AP1G1: variants seen among roughly 807,000 people sequenced by gnomAD.
AP1G1 encodes adaptor related protein complex 1 subunit gamma 1.
Under a neutral mutation model 108.3 loss-of-function variants are expected in AP1G1, and 7 were observed. That is an observed-to-expected ratio of 0.06 (90% CI 0.04 to 0.12). The LOEUF is 0.12. AP1G1 is among the 10% of genes least tolerant of loss of function. AP1G1 has a pLI of 1.00. For synonymous variants in AP1G1, 379 were observed against 353.5 expected, an observed-to-expected ratio of 1.07 and a Z score of -0.81; for missense variants, 756 against 1,010.7, an observed-to-expected ratio of 0.75 and a Z score of 3.42.
intron 2 of AP1G1, among the ~76,000 whole-genome samples, chr16:71,777,121 A>AC (rs2031812118): frequency 6.7e-6 from 1 of 149,568 alleles, no homozygotes; most frequent in African/African-American, 2.4e-5. Flanking sequence ...AAAAAAAAAA[A>AC]AAAAAAAAAA....
chr16:71,805,244 T>TC (rs2032957338), intron 1 of AP1G1, among the ~76,000 whole-genome samples: 1 of 151,998 alleles, frequency 6.6e-6, no homozygotes, highest in Non-Finnish European at 1.5e-5. Flanking sequence ...GCTCAGGAGT[T>TC]CGAGACCAGC....
At chr16:71,745,715 C>A in intron 17 of AP1G1, 101 bp from the exon 18 acceptor site, 1 of 942,794 alleles carries the variant, frequency 1.1e-6, no homozygotes. Flanking sequence ...GGAGATCTAT[C>A]TCCCCTCCCC....
Position 71,749,942 on chromosome 16 carries a change from A to G in AP1G1, c.1449T>C (p.Tyr483=), listed in dbSNP as rs1185619168. 5.0e-6 allele frequency: 8 copies of G among 1,613,450 alleles called. No homozygotes were observed. The change falls in exon 15 of 23, where the codon TAT becomes TAC. Residue 483 remains tyrosine, a synonymous_variant. Coordinates refer to ENST00000299980, the MANE Select transcript of AP1G1 (RefSeq NM_001128.6). ...VQVAAWCIGE[Y]GDLLVSGQCE... is the part of the protein sequence containing the mutation. ...ACTGGCCAGATACAAGAAGATCACC[A>G]TATTCACCTATACACCATGCAGCCA...
chr16:71,758,739 A>T, intron 11 of AP1G1, 69 bp downstream of exon 11: 3 of 875,496 alleles, frequency 3.4e-6, no homozygotes, highest in Non-Finnish European at 5.6e-6. Flanking sequence ...GCAGCGGCAT[A>T]GAGCTATCAA....
intron 1 of AP1G1, among the ~76,000 whole-genome samples, chr16:71,803,840 G>T (rs1359125858): frequency 6.7e-6 from 1 of 148,852 alleles, no homozygotes; most frequent in Non-Finnish European, 1.5e-5. Flanking sequence ...CAGAAGAATT[G>T]CTTGAACCAG....
chr16:71,751,336 T>C (rs1369108119), intron 13 of AP1G1: 1 of 151,048 alleles, frequency 6.6e-6, no homozygotes, highest in Non-Finnish European at 1.5e-5. Flanking sequence ...ATAATAATAA[T>C]AATAATAATA....
intron 2 of AP1G1, among the ~76,000 whole-genome samples, chr16:71,777,260 C>A (rs1341231572): frequency 6.7e-6 from 1 of 148,758 alleles, no homozygotes; most frequent in Non-Finnish European, 1.5e-5. Context: ...AGGGATGAGG[C>A]AGGACATGAG....
chr16:71,755,880 A>AGG, intron 12 of AP1G1, 139 bp downstream of exon 12: 1 of 868,394 alleles, frequency 1.2e-6, no homozygotes, highest in Non-Finnish European at 1.8e-6. Context: ...TCCTGACTTC[A>AGG]TGATCCACCT....
intron 2 of AP1G1, 44 bp downstream of exon 2, chr16:71,789,235 T>C: frequency 3.2e-6 from 5 of 1,542,950 alleles, no homozygotes; most frequent in Non-Finnish European, 4.4e-6. Context: ...TGAGCAACAA[T>C]GTCAAAGAAT....
At chr16:71,784,544 CA>C (rs2032133088) in intron 2 of AP1G1, among the ~76,000 whole-genome samples, 1 of 152,080 alleles carries the variant, frequency 6.6e-6, no homozygotes, top group Non-Finnish European at 1.5e-5. Context: ...TACAGCAAGG[CA>C]GGGCTAAGAT....
At chr16:71,803,649 G>A (rs2032887849) in intron 1 of AP1G1, among the ~76,000 whole-genome samples, 1 of 152,128 alleles carries the variant, frequency 6.6e-6, no homozygotes, top group Non-Finnish European at 1.5e-5. Context: ...AAGTAAAAAT[G>A]ACACCTCATT....
chr16:71,734,793 G>T, intron 21 of AP1G1, 86 bp from the exon 22 acceptor site: 1 of 1,048,654 alleles, frequency 9.5e-7, no homozygotes, highest in Non-Finnish European at 1.5e-6. Flanking sequence ...ACACCCAGAT[G>T]ATGGGTCAAG....
rs1411471948 is a variant in AP1G1 at position 71,729,203 on chromosome 16, C to T, written c.*3855G>A. On this transcript the variant is annotated 3_prime_UTR_variant, in exon 23 of 23. Transcript: ENST00000299980. ...AAAAATATGTCTGCAATAATTAGAG[C>T]TTCATTAGCTGTCCCACTTGGAAAC... The T allele has an allele frequency of 6.6e-6, 1 of 152,050 alleles. No homozygotes were observed. The highest frequency in any genetic ancestry group is 1.5e-5 in the Non-Finnish European group (1 of 67,948). The allele number at this position is 152,050 out of a possible 1,614,324, so 9.4% of individuals were successfully genotyped here.
chr16:71,770,991 T>C (rs954581770), intron 5 of AP1G1, 165 bp downstream of exon 5: 32 of 438,894 alleles, frequency 7.3e-5, no homozygotes, highest in Middle Eastern at 6.0e-4. Flanking sequence ...AACTAGGATA[T>C]GTGAGTGGAA....
At chr16:71,808,421 C>G in intron 1 of AP1G1, 7 of 1,143,826 alleles carry the variant, frequency 6.1e-6, no homozygotes, top group Non-Finnish European at 6.7e-6. Context: ...GGGGGTGGGG[C>G]CCGCCCCGCT....
At chr16:71,754,012 G>A in intron 12 of AP1G1, 125 bp from the exon 13 acceptor site, 1 of 852,172 alleles carries the variant, frequency 1.2e-6, no homozygotes, top group Non-Finnish European at 1.9e-6. Flanking sequence ...GGCCGAGGTG[G>A]GAGATCACCT....
chr16:71,800,598 G>A (rs2032760137), intron 1 of AP1G1, among the ~76,000 whole-genome samples: 1 of 150,664 alleles, frequency 6.6e-6, no homozygotes. Context: ...TCAGGAGATG[G>A]AGACCATCCT....
chr16:71,781,073 C>T (rs575819101), intron 2 of AP1G1, among the ~76,000 whole-genome samples: 5 of 152,272 alleles, frequency 3.3e-5, no homozygotes, highest in Admixed American at 1.3e-4. Flanking sequence ...CTGCCTTGGC[C>T]TCCCAAAGTG....
Position 71,745,481 on chromosome 16 carries a change from T to C in AP1G1, c.1864A>G (p.Thr622Ala), listed in dbSNP as rs940201324. 3.1e-6 allele frequency: 5 copies of C among 1,614,146 alleles called. No individual in the cohort carries two copies. The highest frequency in any genetic ancestry group is 2.5e-6 in the Non-Finnish European group (3 of 1,180,020). ...AGTGAAAGGCTGGCTACCTGGCTGG[T>C]GGGCTGTGGCCCAGAGGGTGGCGGT... ...TKPPPSGPQP[T>A]SQANDLLDLL... Residue 622 changes from threonine to alanine, a missense_variant, in exon 18 of 23, where the codon ACC becomes GCC. Physicochemically the swap from Thr to Ala is moderately conservative, Grantham distance 58. Around this residue, in one of 3 missense-constraint regions of AP1G1, gnomAD observed 357 missense variants for 366.5 expected, o/e 0.97. Coordinates refer to ENST00000299980, the MANE Select transcript of AP1G1 (RefSeq NM_001128.6).
Sources: allele counts gnomAD v4.1 joint callset (sites outside exome capture counted in the v4.1 genomes callset), GRCh38; gene constraint gnomAD v4.1.1; regional missense constraint gnomAD v4.1.1; transcripts MANE v1.5; gene names NCBI Gene and HGNC (gene_info 2026-07-23, HGNC 2026-07-21).